DEF8: variants seen among roughly 807,000 people sequenced by gnomAD.
DEF8 encodes differentially expressed in FDCP 8 homolog.
Under a neutral mutation model 59.1 loss-of-function variants are expected in DEF8, and 38 were observed. The observed-to-expected ratio is 0.64, with a 90% CI of 0.50 to 0.84. The LOEUF is 0.84. Ranked by LOEUF, DEF8 falls within the 40% of genes least tolerant of loss-of-function variation. DEF8 has a pLI of 0.00. For synonymous variants in DEF8, 265 were observed against 250.1 expected (o/e 1.06, Z -0.56); for missense variants, 557 against 615.2 (o/e 0.91, Z 1.00).
rs2034582337 is a variant in DEF8 at position 89,966,028 on chromosome 16, G to A, written c.*65G>A. 1 of 1,316,496 alleles carries A rather than the reference G, an allele frequency of 7.6e-7. No homozygotes were observed. Among genetic ancestry groups the A allele is most frequent in the Non-Finnish European group, 1.1e-6 (1 of 929,722 alleles). 81.6% of individuals were successfully genotyped at this position (1,316,496 alleles called of 1,614,324 possible). A position where few individuals can be genotyped will look rare whatever the true frequency, so the allele number is the denominator to read the frequency against. On this transcript the variant is annotated 3_prime_UTR_variant, in exon 13 of 13. Coordinates refer to ENST00000563594, the MANE Select transcript of DEF8 (RefSeq NM_001242818.2). ...GGACCCACCCTGCCAACATCAAGTT[G>A]TTCCTTCTGCTCCGGAGACCCCTGG...
At chr16:89,964,133 C>T (rs1251271228) in intron 10 of DEF8, 37 bp from the exon 11 acceptor site, 1 of 1,613,816 alleles carries the variant, frequency 6.2e-7, no homozygotes, top group Non-Finnish European at 8.5e-7. Flanking sequence ...AGGGGCCCTC[C>T]CCGGTGCAGG....
intron 10 of DEF8, 159 bp from the exon 11 acceptor site, chr16:89,964,011 C>T (rs180802187): frequency 1.5e-4 from 150 of 974,414 alleles, no homozygotes; most frequent in Non-Finnish European, 2.2e-4. Context: ...CTTCCCCTGT[C>T]GGCTTCCTGG....
Position 89,960,935 on chromosome 16 carries a change from T to C in DEF8, c.519T>C (p.Cys173=), listed in dbSNP as rs767671358. 2.1e-5 allele frequency: 34 copies of C among 1,613,348 alleles called. No individual in the cohort carries two copies. The highest frequency in any genetic ancestry group is 2.7e-5 in the Non-Finnish European group (32 of 1,179,852). Residue 173 remains cysteine (C), a synonymous_variant, in exon 7 of 13, where the codon TGT becomes TGC. Transcript: ENST00000563594. ...GTGTGTGTCCCTCCACCCTAGGGTG[T>C]TATTACCGCTGTCACAGTAAGTGCT... The part of the protein sequence containing the change: ...LIQTWYTCTG[C]YYRCHSKCLN...
At chr16:89,963,684 C>A (rs2034318832) in intron 10 of DEF8, 5 of 557,084 alleles carry the variant, frequency 9.0e-6, no homozygotes, top group Non-Finnish European at 1.6e-5. Flanking sequence ...TCCAGCCCAG[C>A]CCTCGTCAGG....
In DEF8 at chr16:89,967,523, C is replaced by A. The variant is rs1281285598; in HGVS notation, c.*1560C>A. 2 of 398,484 alleles carry A rather than the reference C, an allele frequency of 5.0e-6. No individual in the cohort carries two copies. Among genetic ancestry groups the A allele is most frequent in the African/African-American group, 2.1e-5 (1 of 48,618 alleles). The allele number at this position is 398,484 out of a possible 1,614,324, so 24.7% of individuals were successfully genotyped here. A position where few individuals can be genotyped will look rare whatever the true frequency, so the allele number is the denominator to read the frequency against. The stretch of plus-strand genomic sequence containing the variant: ...GGGTCCTGACCTACCTCAGGTGGAA[C>A]GGTGAGCAGGGAACATGTCGGAGTC... On this transcript the variant is annotated 3_prime_UTR_variant, in exon 13 of 13. Coordinates refer to ENST00000563594, the MANE Select transcript of DEF8 (RefSeq NM_001242818.2).
intron 6 of DEF8, among the ~76,000 whole-genome samples, chr16:89,959,830 G>A (rs1157745861): frequency 1.3e-5 from 2 of 152,262 alleles, no homozygotes; most frequent in South Asian, 4.1e-4. Flanking sequence ...AAACTTGAAG[G>A]TCAGGGAGCA....
chr16:89,951,599 G>C (rs942375610), intron 2 of DEF8, among the ~76,000 whole-genome samples: 1 of 152,096 alleles, frequency 6.6e-6, no homozygotes, highest in African/African-American at 2.4e-5. Flanking sequence ...CTATAACACT[G>C]GTGGGAATAT....
chr16:89,954,849 C>T lies in DEF8; in HGVS notation c.125-320C>T, dbSNP rs934890532. On this transcript the variant is annotated intron_variant, in intron 3 of 12. Transcript: ENST00000563594. The surrounding 1 kb of genome is among the most constrained non-coding windows in gnomAD (Gnocchi z 4.3). The stretch of plus-strand genomic sequence containing the variant: ...TGTAGCCATGCAGTGGTTTTTCTCT[C>T]GCCCCCGTGGTCACGCATGAGGTGT... 2.6e-5 allele frequency among the ~76,000 whole-genome samples: 4 copies of T among 152,138 alleles called. No individual in the cohort carries two copies. Among genetic ancestry groups the T allele is most frequent in the East Asian group, 3.9e-4 (2 of 5,192 alleles).
Position 89,961,011 on chromosome 16 carries a change from G to C in DEF8, c.595G>C (p.Glu199Gln). Reference protein sequence around the residue: ...CVSSKVSHQAEYELNICPETG... With the variant: ...CVSSKVSHQAQYELNICPETG... ...GAGCTCCAAAGTCAGCCACCAAGCT[G>C]AATACGAACTGAACATCTGCCCTGA... Residue 199 changes from glutamate (E) to glutamine (Q), a missense_variant, in exon 7 of 13, where the codon GAA becomes CAA. Coordinates refer to ENST00000563594, the MANE Select transcript of DEF8 (RefSeq NM_001242818.2). 1 of 1,614,170 alleles carries C rather than the reference G, an allele frequency of 6.2e-7. No homozygotes were observed. Among genetic ancestry groups the C allele is most frequent in the Non-Finnish European group, 8.5e-7 (1 of 1,180,028 alleles).
intron 12 of DEF8, among the ~76,000 whole-genome samples, chr16:89,964,798 G>A (rs1358080271): frequency 6.6e-6 from 1 of 152,188 alleles, no homozygotes; most frequent in Non-Finnish European, 1.5e-5. Flanking sequence ...GGCACCTGGG[G>A]GATGAGGGGG....
intron 5 of DEF8, chr16:89,958,411 G>T (rs2033561014): frequency 6.4e-6 from 1 of 155,426 alleles, no homozygotes; most frequent in South Asian, 1.9e-4. Flanking sequence ...TGGGTCCCAG[G>T]CCACAGATGT....
In DEF8 at chr16:89,954,930, G is replaced by C. The variant is rs1400128943; in HGVS notation, c.125-239G>C. Among the ~76,000 whole-genome samples, 1 of 152,188 alleles carries C rather than the reference G, an allele frequency of 6.6e-6. No homozygotes were observed. The highest frequency in any genetic ancestry group is 1.5e-5 in the Non-Finnish European group (1 of 68,028). On this transcript the variant is annotated intron_variant, in intron 3 of 12. Coordinates refer to ENST00000563594, the MANE Select transcript of DEF8 (RefSeq NM_001242818.2). This position sits in a 1 kb window ranked among gnomAD's most constrained non-coding sequence, Gnocchi z 4.3. ...CTGTCTTGAGGACTTTTGGCACCGA[G>C]TGTCATTCCACCTCCTCATTTTGAG...
At chr16:89,964,112 T>A in intron 10 of DEF8, 58 bp from the exon 11 acceptor site, 1 of 1,610,424 alleles carries the variant, frequency 6.2e-7, no homozygotes, top group Non-Finnish European at 8.5e-7. Context: ...CGACCATGGG[T>A]GGGCGGTGGG....
At position 89,954,167 on chromosome 16, in the gene DEF8, G is replaced by T; in HGVS notation, c.-10-76G>T. The T allele has an allele frequency of 2.6e-6, 4 of 1,529,250 alleles. No individual in the cohort carries two copies. The highest frequency in any genetic ancestry group is 1.8e-5 in the Admixed American group (1 of 55,872). The allele number at this position is 1,529,250 out of a possible 1,614,324, so 94.7% of individuals were successfully genotyped here. ...GGCCAGCCTCACCCCAGACACCCCAGTGTGGTTGGGGAAAGGGGGTGGTCC... is the reference window on the plus strand; with the variant it reads ...GGCCAGCCTCACCCCAGACACCCCATTGTGGTTGGGGAAAGGGGGTGGTCC... On this transcript the variant is annotated intron_variant, in intron 2 of 12. Coordinates refer to ENST00000563594, the MANE Select transcript of DEF8 (RefSeq NM_001242818.2). The surrounding 1 kb of genome is among the most constrained non-coding windows in gnomAD (Gnocchi z 4.3).
At chr16:89,949,379 G>T in intron 1 of DEF8, 38 bp from the exon 2 acceptor site, 5 of 1,527,064 alleles carry the variant, frequency 3.3e-6, no homozygotes, top group Non-Finnish European at 4.4e-6. Flanking sequence ...GGTGTGGTGG[G>T]TGGGGAGGCA....
chr16:89,963,426 G>T lies in DEF8; in HGVS notation c.985G>T (p.Ala329Ser). Reference sequence around the variant, plus strand: ...CATCACCTGCAGGGAGGCCATGGAGGCTCGTCTGCTGCTGCAGGTCAGACT... The same window carrying T: ...CATCACCTGCAGGGAGGCCATGGAGTCTCGTCTGCTGCTGCAGGTCAGACT... ...YFITCREAME[A>S]RLLLQLQDRQ... Residue 329 changes from alanine (A) to serine (S), a missense_variant, in exon 10 of 13, where the codon GCT becomes TCT. Physicochemically the swap from Ala to Ser is moderately conservative, Grantham distance 99 (BLOSUM62 1). Coordinates refer to ENST00000563594, the MANE Select transcript of DEF8 (RefSeq NM_001242818.2). 2 of 1,613,648 alleles carry T rather than the reference G, an allele frequency of 1.2e-6. No homozygotes were observed. Among genetic ancestry groups the T allele is most frequent in the Non-Finnish European group, 1.7e-6 (2 of 1,179,822 alleles).
rs563869816 is a variant in DEF8, at chr16:89,954,360, G to A, written c.108G>A (p.Pro36=). 1.5e-5 allele frequency: 24 copies of A among 1,613,716 alleles called. No homozygotes were observed. The highest frequency in any genetic ancestry group is 2.2e-5 in the East Asian group (1 of 44,874). The change falls in exon 3 of 13, where the codon CCG becomes CCA. Residue 36 remains proline, a synonymous_variant. Coordinates refer to ENST00000563594, the MANE Select transcript of DEF8 (RefSeq NM_001242818.2). This position sits in a 1 kb window ranked among gnomAD's most constrained non-coding sequence, Gnocchi z 4.3. The part of the protein sequence containing the change: ...QHEQGPGEEV[P]DVTPEEALPE... The stretch of plus-strand genomic sequence containing the variant: ...AGCAGGGCCCTGGGGAGGAGGTCCC[G>A]GACGTCACTCCTGAAGGTGGGTGCT...
Position 89,957,673 on chromosome 16 carries a change from C to G in DEF8, c.372+13C>G, listed in dbSNP as rs1264213490. 6.5e-7 allele frequency: 1 copy of G among 1,536,334 alleles called. No individual in the cohort carries two copies. Among genetic ancestry groups the G allele is most frequent in the African/African-American group, 1.4e-5 (1 of 73,102 alleles). On this transcript the variant is annotated intron_variant, in intron 5 of 12. Coordinates refer to ENST00000563594, the MANE Select transcript of DEF8 (RefSeq NM_001242818.2). The stretch of plus-strand genomic sequence containing the variant: ...CCAGGAGCTGAAGGTGGGTGTGGGG[C>G]CGCCCCGCCGTGGGGCAGCCTGGGG...
At position 89,961,746 on chromosome 16, in the gene DEF8, C is replaced by T; in HGVS notation, c.689C>T (p.Pro230Leu). 1 of 1,613,390 alleles carries T rather than the reference C, an allele frequency of 6.2e-7. No homozygotes were observed. Residue 230 changes from proline to leucine, a missense_variant, in exon 8 of 13, where the codon CCC (proline) becomes CTC (leucine). Transcript: ENST00000563594. Reference protein sequence around the residue: ...CRAPISLRGVPSEARQCDYTG... With the variant: ...CRAPISLRGVLSEARQCDYTG... The stretch of plus-strand genomic sequence containing the variant: ...CCCTCTGACCCTGCAGGGGGTGTGC[C>T]CAGTGAGGCCAGGCAGTGCGACTAC...
Sources: gnomAD v4.1 joint callset for allele counts (sites outside exome capture counted in the v4.1 genomes callset) on GRCh38, gnomAD v4.1.1 for gene constraint, Gnocchi (gnomAD v3.1) non-coding constraint, MANE v1.5 for transcripts, NCBI Gene and HGNC (gene_info 2026-07-23, HGNC 2026-07-21) for gene names.